ZNF765: variants seen among roughly 807,000 people sequenced by gnomAD.
ZNF765 encodes the protein zinc finger protein 765.
In ZNF765, 37 loss-of-function variants were observed where a neutral mutation model predicts 44.7. The observed-to-expected ratio is 0.83, with a 90% CI of 0.64 to 1.09. The LOEUF (loss-of-function observed/expected upper bound fraction) is 1.09. Ranked by LOEUF, ZNF765 falls within the 50% of genes least tolerant of loss-of-function variation. ZNF765 has a pLI of 0.00. For synonymous variants in ZNF765, 201 were observed against 213.7 expected (o/e 0.94, Z 0.52); for missense variants, 594 against 626.1 (o/e 0.95, Z 0.55).
downstream of ZNF765, among the ~76,000 whole-genome samples, chr19:53,413,624 C>G (rs2085850151): frequency 7.0e-6 from 1 of 142,560 alleles, no homozygotes; most frequent in African/African-American, 2.7e-5. Context: ...TTTTTTAACT[C>G]CACTGGGTCA....
At chr19:53,402,690 GT>G (rs2085739495) in intron 3 of ZNF765, among the ~76,000 whole-genome samples, 1 of 151,980 alleles carries the variant, frequency 6.6e-6, no homozygotes, top group Non-Finnish European at 1.5e-5. Context: ...GCCTCCCCTG[GT>G]AGCTGGTACA....
At chr19:53,406,713 G>A (rs912402958) in intron 3 of ZNF765, among the ~76,000 whole-genome samples, 8 of 152,100 alleles carry the variant, frequency 5.3e-5, no homozygotes, top group Non-Finnish European at 7.3e-5. Context: ...TCATAAGTTC[G>A]AGGCCAGCCT....
downstream of ZNF765, among the ~76,000 whole-genome samples, chr19:53,416,464 C>T (rs1450472679): frequency 4.6e-5 from 7 of 152,114 alleles, no homozygotes; most frequent in Admixed American, 4.6e-4. Context: ...AATTACCAGA[C>T]AAATTCCTTT....
chr19:53,418,369 C>T (rs1307852140), intron 3 of ZNF765, among the ~76,000 whole-genome samples: 1 of 152,026 alleles, frequency 6.6e-6, no homozygotes, highest in Non-Finnish European at 1.5e-5. Flanking sequence ...TAGTAGCATC[C>T]TAGGACTGCA....
At chr19:53,417,988 C>T (rs1326760423) in intron 3 of ZNF765, among the ~76,000 whole-genome samples, 2 of 152,138 alleles carry the variant, frequency 1.3e-5, no homozygotes, top group Non-Finnish European at 2.9e-5. Flanking sequence ...TCTCTGCCTC[C>T]AGGGATCAAG....
intron 2 of ZNF765, chr19:53,401,861 G>A: frequency 7.3e-7 from 1 of 1,378,572 alleles, no homozygotes; most frequent in Non-Finnish European, 1.0e-6. Flanking sequence ...GGGCAACAGA[G>A]TGAGACTCCA....
chr19:53,407,865 G>A lies in ZNF765; in HGVS notation c.310G>A (p.Asp104Asn), dbSNP rs774451077. 2 of 1,613,686 alleles carry A rather than the reference G, an allele frequency of 1.2e-6. No individual in the cohort carries two copies. Among genetic ancestry groups the A allele is most frequent in the East Asian group, 4.5e-5 (2 of 44,870 alleles). The change falls in exon 4 of 4, where the codon GAT (aspartate) becomes AAT (asparagine). Residue 104 changes from aspartate (D) to asparagine (N), a missense_variant. Transcript: ENST00000396408. ...IHDIEFQWQE[D>N]ERNGHEALMT... ...TGACATTGAGTTTCAGTGGCAAGAAGATGAAAGAAATGGCCATGAAGCACT... is the reference window on the plus strand; with the variant it reads ...TGACATTGAGTTTCAGTGGCAAGAAAATGAAAGAAATGGCCATGAAGCACT...
At chr19:53,404,939 C>T (rs1251838050) in intron 3 of ZNF765, among the ~76,000 whole-genome samples, 6 of 152,184 alleles carry the variant, frequency 3.9e-5, no homozygotes, top group African/African-American at 1.4e-4. Flanking sequence ...TTAGACTGGC[C>T]ACCCGAGGTG....
At position 53,410,380 on chromosome 19, in the gene ZNF765, C is replaced by T. The variant is rs2085822555; in HGVS notation, c.*1253C>T. ...ACCAAGTTTTCAGTCACACTCAAAC[C>T]TTGAAAGACACAGGAGAATTCCTAC... On this transcript the variant is annotated 3_prime_UTR_variant, in exon 4 of 4. Coordinates refer to ENST00000396408, the MANE Select transcript of ZNF765 (RefSeq NM_001040185.3). 3.0e-6 allele frequency: 1 copy of T among 335,488 alleles called. No homozygotes were observed. The highest frequency in any genetic ancestry group is 4.3e-5 in the Admixed American group (1 of 23,006). 20.8% of individuals were successfully genotyped at this position (335,488 alleles called of 1,614,324 possible).
At chr19:53,424,662 C>CTTT (rs528851152) in exon 4 of ZNF765, 15,030 of 127,806 alleles carry the variant, frequency 0.12, 1,285 homozygotes, top group East Asian at 0.37. Flanking sequence ...CTTCTCCATT[C>CTTT]TTTTTTTTTT....
chr19:53,411,569 G>A lies in ZNF765; in HGVS notation c.*2442G>A, dbSNP rs1395328810. The A allele has an allele frequency of 6.6e-6, 1 of 152,462 alleles. No individual in the cohort carries two copies. Among genetic ancestry groups the A allele is most frequent in the Non-Finnish European group, 1.5e-5 (1 of 68,264 alleles). The allele number at this position is 152,462 out of a possible 1,614,324, so 9.4% of individuals were successfully genotyped here. ...GGCCTCCCAAAGTGCTGGGATTACAGGCGTGAGCCACTGCGCCCAGCCCCA... is the reference window on the plus strand; with the variant it reads ...GGCCTCCCAAAGTGCTGGGATTACAAGCGTGAGCCACTGCGCCCAGCCCCA... On this transcript the variant is annotated 3_prime_UTR_variant, in exon 4 of 4. Transcript: ENST00000396408.
intron 3 of ZNF765, among the ~76,000 whole-genome samples, chr19:53,422,601 G>A (rs2085913931): frequency 6.6e-6 from 1 of 151,846 alleles, no homozygotes; most frequent in African/African-American, 2.4e-5. Context: ...TTTTGAGACG[G>A]TGTCACTTTA....
exon 4 of ZNF765, chr19:53,425,298 A>G (rs1383943135): frequency 7.9e-6 from 1 of 126,788 alleles, no homozygotes; most frequent in Non-Finnish European, 1.6e-5. Flanking sequence ...TTTTGGGAGG[A>G]AGACACTGAA....
chr19:53,412,751 C>T (rs1488612597), downstream of ZNF765, among the ~76,000 whole-genome samples: 1 of 152,032 alleles, frequency 6.6e-6, no homozygotes, highest in East Asian at 1.9e-4. Context: ...GAACTCGTGA[C>T]CTCGTGATCC....
chr19:53,417,385 GT>G (rs1416764649), intron 3 of ZNF765, among the ~76,000 whole-genome samples: 2 of 152,176 alleles, frequency 1.3e-5, no homozygotes, highest in Admixed American at 1.3e-4. Flanking sequence ...TGGCATTTGG[GT>G]TTGTGTTCCT....
chr19:53,425,896 G>A (rs533682805), exon 4 of ZNF765: 6 of 152,412 alleles, frequency 3.9e-5, no homozygotes, highest in African/African-American at 1.4e-4. Context: ...TCAAGAGATC[G>A]AAACCATCCT....
At chr19:53,414,435 C>CCACA (rs1231063241), downstream of ZNF765, among the ~76,000 whole-genome samples, 5 of 37,618 alleles carry the variant, frequency 1.3e-4, no homozygotes, top group African/African-American at 5.1e-4. Flanking sequence ...ACCCTCCCCA[C>CCACA]CACACACACA....
downstream of ZNF765, among the ~76,000 whole-genome samples, chr19:53,414,481 A>ACAC (rs2085861010): frequency 5.8e-4 from 1 of 1,738 alleles, no homozygotes; most frequent in Non-Finnish European, 1.2e-3. Context: ...ACACACACAC[A>ACAC]CACACACACC....
intron 3 of ZNF765, among the ~76,000 whole-genome samples, chr19:53,417,141 CTT>C (rs761385013): frequency 1.3e-5 from 2 of 152,094 alleles, no homozygotes; most frequent in Non-Finnish European, 2.9e-5. Context: ...TTTTAAAAGA[CTT>C]TTAAGTTCAG....
Sources: gnomAD v4.1 joint callset for allele counts (sites outside exome capture counted in the v4.1 genomes callset) on GRCh38, gnomAD v4.1.1 for gene constraint, MANE v1.5 for transcripts, NCBI Gene and HGNC (gene_info 2026-07-23, HGNC 2026-07-21) for gene names.